Variants in CADM2 observed in about 807,000 individuals in gnomAD.
CADM2 encodes the protein cell adhesion molecule 2.
CADM2 carries 12 observed loss-of-function variants against 49.8 expected under a neutral mutation model. That is an observed-to-expected ratio of 0.24 (90% confidence interval 0.15 to 0.39). CADM2 has a LOEUF of 0.39. Ranked by LOEUF, CADM2 falls within the 10% of genes least tolerant of loss-of-function variation. The pLI is 1.00. For missense variants in CADM2, 378 were observed against 492.3 expected (o/e 0.77, Z 2.20); for synonymous variants, 214 against 175.4 (o/e 1.22, Z -1.74).
intron 8 of CADM2, among the ~76,000 whole-genome samples, chr3:86,024,268 G>T (rs1215788113): frequency 6.6e-6 from 1 of 152,032 alleles, no homozygotes; most frequent in Non-Finnish European, 1.5e-5. Flanking sequence ...CATTGGCAAG[G>T]GACAGATCAG....
At chr3:85,950,597 A>G (rs1231753863) in intron 7 of CADM2, among the ~76,000 whole-genome samples, 1 of 151,160 alleles carries the variant, frequency 6.6e-6, no homozygotes, top group Non-Finnish European at 1.5e-5. Context: ...AAGTCTTCTA[A>G]AGAGCACTTA....
intron 7 of CADM2, among the ~76,000 whole-genome samples, chr3:85,959,140 TTATC>T (rs1330500796): frequency 5.7e-5 from 6 of 105,048 alleles, no homozygotes; most frequent in African/African-American, 2.3e-4. Flanking sequence ...CTGTATATCT[TTATC>T]TATCTATCTC....
At chr3:85,979,296 T>A in intron 8 of CADM2, 1 of 1,609,158 alleles carries the variant, frequency 6.2e-7, no homozygotes, top group Non-Finnish European at 8.5e-7. Context: ...ACAGTATGTT[T>A]CTTTGTTATA....
At chr3:85,645,389 T>A (rs2064853594) in intron 1 of CADM2, among the ~76,000 whole-genome samples, 1 of 152,042 alleles carries the variant, frequency 6.6e-6, no homozygotes, top group Non-Finnish European at 1.5e-5. Context: ...AAATACAATT[T>A]TCTAGAAAAC....
At chr3:86,004,191 T>C (rs1730509433) in intron 8 of CADM2, among the ~76,000 whole-genome samples, 1 of 152,188 alleles carries the variant, frequency 6.6e-6, no homozygotes, top group Non-Finnish European at 1.5e-5. Flanking sequence ...TATACCTTTA[T>C]TTTTTAATGC....
chr3:85,147,560 C>G (rs1162539940), intron 1 of CADM2, among the ~76,000 whole-genome samples: 4 of 151,930 alleles, frequency 2.6e-5, no homozygotes, highest in South Asian at 2.1e-4. Context: ...ATTGATTTAT[C>G]CATATTGGTT....
Position 85,757,981 on chromosome 3 carries a change from C to A in CADM2, c.88+31433C>A, listed in dbSNP as rs116339373. 5.4e-3 allele frequency among the ~76,000 whole-genome samples: 819 copies of A among 152,106 alleles called. 2 individuals are homozygous for A. Among genetic ancestry groups the A allele is most frequent in the Middle Eastern group, 0.01 (3 of 294 alleles). On this transcript the variant is annotated intron_variant, in intron 2 of 9. Transcript: ENST00000383699. ...GCAGAGGATGTAAAGTACCACAGAC[C>A]AACAGATGGAAAAGTGTAAAGTTAC...
intron 1 of CADM2, among the ~76,000 whole-genome samples, chr3:85,269,432 A>T (rs2043187768): frequency 6.6e-6 from 1 of 151,448 alleles, no homozygotes; most frequent in Non-Finnish European, 1.5e-5. Flanking sequence ...TAAATTAATT[A>T]ATCAATAATT....
At chr3:85,875,419 T>C (rs1034131529) in intron 3 of CADM2, among the ~76,000 whole-genome samples, 1 of 152,210 alleles carries the variant, frequency 6.6e-6, no homozygotes, top group Admixed American at 6.5e-5. Context: ...CAGCTCAAGA[T>C]ACAAAGTATA....
At position 85,655,527 on chromosome 3, in the gene CADM2, A is replaced by T. The variant is rs370951229; in HGVS notation, c.62-70995A>T. The stretch of plus-strand genomic sequence containing the variant: ...CACTTCTTAATAAAAAAAAAAAGCC[A>T]TCATTGTTAGGTGTTTCCTACCTGG... On this transcript the variant is annotated intron_variant, in intron 1 of 9. Transcript: ENST00000383699. Among the ~76,000 whole-genome samples, 10 of 152,130 alleles carry T rather than the reference A, an allele frequency of 6.6e-5. No homozygotes were observed. The East Asian group carries it at 1.5e-3, about 24-fold the overall frequency.
At chr3:85,473,343 T>C (rs1178920593) in intron 1 of CADM2, among the ~76,000 whole-genome samples, 1 of 152,066 alleles carries the variant, frequency 6.6e-6, no homozygotes, top group Non-Finnish European at 1.5e-5. Flanking sequence ...AAAATATGCC[T>C]TTACTCTTGA....
chr3:85,182,352 T>G (rs765626365), intron 1 of CADM2, among the ~76,000 whole-genome samples: 1 of 152,042 alleles, frequency 6.6e-6, no homozygotes, highest in Non-Finnish European at 1.5e-5. Flanking sequence ...ATCATCCAAT[T>G]TAACCAGTAA....
At chr3:84,963,612 T>C (rs1397132321) in intron 1 of CADM2, among the ~76,000 whole-genome samples, 4 of 152,174 alleles carry the variant, frequency 2.6e-5, no homozygotes, top group Admixed American at 2.6e-4. Flanking sequence ...TGGTAAATTA[T>C]TTGTTACATT....
At chr3:85,742,938 G>A (rs188811163) in intron 2 of CADM2, among the ~76,000 whole-genome samples, 1 of 152,174 alleles carries the variant, frequency 6.6e-6, no homozygotes, top group African/African-American at 2.4e-5. Context: ...TGTTATATAA[G>A]TACTTCACTG....
intron 2 of CADM2, among the ~76,000 whole-genome samples, chr3:85,738,390 T>G (rs777890215): frequency 3.3e-5 from 5 of 152,188 alleles, no homozygotes; most frequent in Admixed American, 1.3e-4. Context: ...AACTGAGGGA[T>G]TAATTTAGAT....
intron 6 of CADM2, among the ~76,000 whole-genome samples, chr3:85,931,221 AAAGAAAG>A (rs1720545342): frequency 6.6e-6 from 1 of 152,022 alleles, no homozygotes; most frequent in Non-Finnish European, 1.5e-5. Context: ...AAAATGGAAG[AAAGAAAG>A]AAGAAAGAAA....
At chr3:85,362,225 G>A (rs2032411183) in intron 1 of CADM2, among the ~76,000 whole-genome samples, 1 of 152,190 alleles carries the variant, frequency 6.6e-6, no homozygotes, top group Non-Finnish European at 1.5e-5. Flanking sequence ...GGATAGCTAT[G>A]TGTTTGCTGA....
intron 1 of CADM2, among the ~76,000 whole-genome samples, chr3:85,082,687 A>C (rs548065025): frequency 6.6e-6 from 1 of 152,262 alleles, no homozygotes; most frequent in African/African-American, 2.4e-5. Context: ...AATTTAGGGC[A>C]CACGGTTAGG....
At chr3:85,291,687 T>G (rs1183208442) in intron 1 of CADM2, among the ~76,000 whole-genome samples, 3 of 146,486 alleles carry the variant, frequency 2.0e-5, no homozygotes, top group East Asian at 3.9e-4. Flanking sequence ...CCAGGCAAAC[T>G]AAGCTTCATA....
Sources: gnomAD v4.1 joint callset for allele counts (sites outside exome capture counted in the v4.1 genomes callset) on GRCh38, gnomAD v4.1.1 for gene constraint, MANE v1.5 for transcripts, NCBI Gene and HGNC (gene_info 2026-07-23, HGNC 2026-07-21) for gene names.